The following OR10J1 variants were observed in gnomAD, a reference collection of about 807,000 sequenced individuals.
OR10J1 encodes the protein olfactory receptor 10J1.
For missense variants in OR10J1, 474 were observed against 376.6 expected, an observed-to-expected ratio of 1.26 and a Z score of -2.14; for synonymous variants, 202 against 143.8, an observed-to-expected ratio of 1.40 and a Z score of -2.89.
At chr1:159,404,262 A>G in the OR10J1 span, among the ~76,000 whole-genome samples, 1 of 152,148 alleles carries the variant, frequency 6.6e-6, no homozygotes, top group African/African-American at 2.4e-5. Context: ...GTCTCTTGAA[A>G]AGGCCTGAGT....
chr1:159,415,017 A>G, the OR10J1 span, among the ~76,000 whole-genome samples: 1 of 152,040 alleles, frequency 6.6e-6, no homozygotes, highest in African/African-American at 2.4e-5. Flanking sequence ...CTCCCATTCA[A>G]TGTGTTGTTT....
At chr1:159,414,801 T>G in the OR10J1 span, among the ~76,000 whole-genome samples, 1,271 of 152,254 alleles carry the variant, frequency 8.3e-3, 13 homozygotes, top group Non-Finnish European at 0.013. Flanking sequence ...TATCTCATTG[T>G]GGTTTTGATT....
chr1:159,398,930 GC>G, the OR10J1 span, among the ~76,000 whole-genome samples: 1 of 152,042 alleles, frequency 6.6e-6, no homozygotes, highest in African/African-American at 2.4e-5. Context: ...AATAGCAAGT[GC>G]AAGAGGGTCA....
In OR10J1 at chr1:159,439,901, T is replaced by C; in HGVS notation, c.110T>C (p.Leu37Ser). The C allele has an allele frequency of 6.2e-7, 1 of 1,614,196 alleles. No homozygotes were observed. Among genetic ancestry groups the C allele is most frequent in the South Asian group, 1.1e-5 (1 of 91,076 alleles). The change falls in exon 1 of 1, where the codon TTA (leucine) becomes TCA (serine). Residue 37 changes from leucine to serine, a missense_variant. Leu to Ser is a moderately radical substitution (Grantham distance 145). Transcript: ENST00000423932. ...LFGVFLALYI[L>S]TLAGNIIIVT... ...GGCGTGTTCCTTGCACTATACATCT[T>C]AACCTTAGCAGGCAATATCATCATT...
chr1:159,409,698 T>G, the OR10J1 span, among the ~76,000 whole-genome samples: 1 of 152,112 alleles, frequency 6.6e-6, no homozygotes, highest in Non-Finnish European at 1.5e-5. Flanking sequence ...ATGGCTCAAA[T>G]GTTGAAGACA....
chr1:159,427,744 A>T, the OR10J1 span, among the ~76,000 whole-genome samples: 10 of 152,110 alleles, frequency 6.6e-5, no homozygotes, highest in Admixed American at 5.9e-4. Flanking sequence ...AGAGGCTGCT[A>T]ATTGCAAACC....
chr1:159,401,745 C>A, the OR10J1 span, among the ~76,000 whole-genome samples: 3 of 151,926 alleles, frequency 2.0e-5, no homozygotes, highest in Admixed American at 2.0e-4. Context: ...ACTCATTCTA[C>A]AAGGCCAGCA....
At position 159,440,409 on chromosome 1, in the gene OR10J1, T is replaced by G; in HGVS notation, c.618T>G (p.Leu206=). Residue 206 remains leucine (L), a synonymous_variant, in exon 1 of 1, where the codon CTT becomes CTG. Coordinates refer to ENST00000423932, the MANE Select transcript of OR10J1 (RefSeq NM_012351.3). ...CTTTGATTATCAGTGTGCTGGTGCT[T>G]GTTGTACCTATGGGTCTGGTTTTCA... ...ILTLIISVLV[L]VVPMGLVFIS... The G allele has an allele frequency of 1.9e-6, 3 of 1,614,158 alleles. No homozygotes were observed. Among genetic ancestry groups the G allele is most frequent in the Non-Finnish European group, 2.5e-6 (3 of 1,180,008 alleles).
chr1:159,403,365 G>C, the OR10J1 span, among the ~76,000 whole-genome samples: 1 of 152,024 alleles, frequency 6.6e-6, no homozygotes, highest in Non-Finnish European at 1.5e-5. Flanking sequence ...AACGATCCAC[G>C]TGACAAGGGA....
chr1:159,411,852 G>C, the OR10J1 span, among the ~76,000 whole-genome samples: 1 of 152,152 alleles, frequency 6.6e-6, no homozygotes, highest in Non-Finnish European at 1.5e-5. Flanking sequence ...TTAGGCAGGA[G>C]AAGGAAATAA....
chr1:159,425,666 A>G, the OR10J1 span, among the ~76,000 whole-genome samples: 1 of 152,094 alleles, frequency 6.6e-6, no homozygotes, highest in Admixed American at 6.6e-5. Flanking sequence ...ATATGTTCAT[A>G]TCATAATAAT....
chr1:159,410,706 T>C, the OR10J1 span, among the ~76,000 whole-genome samples: 1 of 151,190 alleles, frequency 6.6e-6, no homozygotes, highest in Admixed American at 6.6e-5. Context: ...CCTTCAGTTC[T>C]GCTCTGATTT....
chr1:159,418,631 G>A, the OR10J1 span, among the ~76,000 whole-genome samples: 1 of 152,198 alleles, frequency 6.6e-6, no homozygotes, highest in Non-Finnish European at 1.5e-5. Flanking sequence ...GGGCAGTGTG[G>A]CAGGAAAATG....
chr1:159,397,507 G>A, the OR10J1 span, among the ~76,000 whole-genome samples: 1 of 152,154 alleles, frequency 6.6e-6, no homozygotes, highest in Non-Finnish European at 1.5e-5. Flanking sequence ...CCCTGGGCCA[G>A]AGGGGAGCCC....
At chr1:159,405,296 A>T in the OR10J1 span, 1 of 152,188 alleles carries the variant, frequency 6.6e-6, no homozygotes, top group Non-Finnish European at 1.5e-5. Context: ...TTTTTGTGTT[A>T]TTCGGCAGGA....
At chr1:159,404,402 C>T in the OR10J1 span, among the ~76,000 whole-genome samples, 1 of 151,960 alleles carries the variant, frequency 6.6e-6, no homozygotes, top group African/African-American at 2.4e-5. Flanking sequence ...TTTTTCACAC[C>T]CATCATCAGA....
chr1:159,435,457 G>A (rs1293447716), upstream of OR10J1, among the ~76,000 whole-genome samples: 1 of 152,112 alleles, frequency 6.6e-6, no homozygotes, highest in Non-Finnish European at 1.5e-5. Context: ...CTCCTTTTCA[G>A]AACTTATTTT....
the OR10J1 span, among the ~76,000 whole-genome samples, chr1:159,429,726 C>T: frequency 9.9e-4 from 150 of 152,170 alleles, no homozygotes; most frequent in South Asian, 2.5e-3. Flanking sequence ...CTTGGGCAGC[C>T]AGCAATTCAG....
Position 159,440,668 on chromosome 1 carries a change from A to G in OR10J1, c.877A>G (p.Asn293Asp). 1.2e-6 allele frequency: 2 copies of G among 1,613,966 alleles called. No individual in the cohort carries two copies. The highest frequency in any genetic ancestry group is 1.7e-6 in the Non-Finnish European group (2 of 1,179,970). The change falls in exon 1 of 1, where the codon AAT becomes GAT. Residue 293 changes from asparagine (N) to aspartate (D), a missense_variant. Transcript: ENST00000423932. ...LLNPVVYTLRNKEVKDALCRA... is the reference protein window; with the variant it reads ...LLNPVVYTLRDKEVKDALCRA... ...GAACCCTGTGGTATACACCCTGAGA[A>G]ATAAAGAGGTCAAAGATGCTCTGTG...
Sources: gnomAD v4.1 joint callset for allele counts (sites outside exome capture counted in the v4.1 genomes callset) on GRCh38, gnomAD v4.1.1 for gene constraint, MANE v1.5 for transcripts, NCBI Gene and HGNC (gene_info 2026-07-23, HGNC 2026-07-21) for gene names.